VWA8: variants seen among roughly 807,000 people sequenced by gnomAD.
VWA8 encodes von Willebrand factor A domain-containing protein 8.
A neutral mutation model predicts 241.5 loss-of-function variants in VWA8; 221 were observed. The ratio of observed to expected loss-of-function variants is 0.91; its 90% CI spans 0.82 to 1.02. VWA8 has a LOEUF of 1.02. Ranked by LOEUF, VWA8 falls within the 50% of genes least tolerant of loss-of-function variation. The probability of loss-of-function intolerance (pLI) is 0.00; values close to 1 mark genes in which losing one functional copy is unlikely to be tolerated. For synonymous variants in VWA8, 852 were observed against 827.1 expected (o/e 1.03, Z -0.52); for missense variants, 2,322 against 2,328.7 (o/e 1.00, Z 0.06).
At chr13:41,709,761 G>GTC (rs1221849920) in intron 26 of VWA8, among the ~76,000 whole-genome samples, 7 of 146,254 alleles carry the variant, frequency 4.8e-5, no homozygotes, top group South Asian at 4.3e-4. Context: ...CTGTCTCTCT[G>GTC]TCTCTCTCTC....
chr13:41,847,172 T>TA (rs1398910753), intron 12 of VWA8, among the ~76,000 whole-genome samples: 1 of 151,420 alleles, frequency 6.6e-6, no homozygotes, highest in Non-Finnish European at 1.5e-5. Flanking sequence ...GTGAAAAAAA[T>TA]AAACATGGAT....
rs749044664 is a variant in VWA8 at position 41,811,212 on chromosome 13, A to T, written c.2063+13T>A. 6.3e-7 allele frequency: 1 copy of T among 1,590,888 alleles called. No homozygotes were observed. Among genetic ancestry groups the T allele is most frequent in the Admixed American group, 1.7e-5 (1 of 59,680 alleles). On this transcript the variant is annotated intron_variant, in intron 17 of 44. Coordinates refer to ENST00000379310, the MANE Select transcript of VWA8 (RefSeq NM_015058.2). ...TCCAGAAACTTACACGCAGTGAGAA[A>T]GAATATGTTTACCTGGAAAGGCAGG...
At chr13:41,650,995 T>C (rs2044866039) in intron 37 of VWA8, among the ~76,000 whole-genome samples, 1 of 152,176 alleles carries the variant, frequency 6.6e-6, no homozygotes, top group African/African-American at 2.4e-5. Context: ...TTCTCATTCT[T>C]ACAACCAGAG....
Position 41,819,281 on chromosome 13 carries a change from C to T in VWA8, c.1806G>A (p.Met602Ile), listed in dbSNP as rs758632032. 9.3e-6 allele frequency: 15 copies of T among 1,612,882 alleles called. No homozygotes were observed. In the African/African-American group the frequency reaches 1.9e-4, roughly 20 times the overall value. The change falls in exon 15 of 45, where the codon ATG becomes ATA. Residue 602 changes from methionine to isoleucine, a missense_variant. Met to Ile is a conservative substitution (Grantham distance 10). Transcript: ENST00000379310. ...HQWLGPEFLT[M>I]FFFHYMKPLV... The stretch of plus-strand genomic sequence containing the variant: ...GTGGTTTCATGTAATGGAAAAAGAA[C>T]ATGGTTAAGAATTCTGGTCCCAGCC...
chr13:41,651,519 G>A (rs2044869145), intron 37 of VWA8, among the ~76,000 whole-genome samples: 1 of 152,126 alleles, frequency 6.6e-6, no homozygotes, highest in East Asian at 1.9e-4. Context: ...GGCTTTACAG[G>A]CCATATGGTC....
At chr13:41,741,247 A>G (rs1229519688) in intron 21 of VWA8, among the ~76,000 whole-genome samples, 2 of 152,164 alleles carry the variant, frequency 1.3e-5, no homozygotes, top group East Asian at 1.9e-4. Context: ...GGAGTTCTCA[A>G]TGCTTGCTGA....
intron 8 of VWA8, among the ~76,000 whole-genome samples, chr13:41,884,859 TA>T (rs1874439110): frequency 3.3e-5 from 5 of 152,138 alleles, no homozygotes; most frequent in African/African-American, 1.2e-4. Flanking sequence ...CAACAATACC[TA>T]GGCTCCCTGA....
chr13:41,812,822 T>C (rs2137976342), intron 16 of VWA8, among the ~76,000 whole-genome samples: 1 of 152,320 alleles, frequency 6.6e-6, no homozygotes, highest in Middle Eastern at 3.4e-3. Context: ...CATTGGTCCA[T>C]TCTTGTTTTC....
intron 5 of VWA8, among the ~76,000 whole-genome samples, chr13:41,887,572 G>C (rs1268363402): frequency 6.6e-6 from 1 of 152,160 alleles, no homozygotes; most frequent in Non-Finnish European, 1.5e-5. Context: ...TGTTTGAAAG[G>C]AAAAGCAGTT....
At chr13:41,887,832 G>T (rs980360378) in intron 5 of VWA8, among the ~76,000 whole-genome samples, 1 of 152,188 alleles carries the variant, frequency 6.6e-6, no homozygotes, top group Non-Finnish European at 1.5e-5. Flanking sequence ...CTTACTATGT[G>T]GTAAGCACAT....
At chr13:41,756,953 T>C (rs2045698572) in intron 21 of VWA8, among the ~76,000 whole-genome samples, 1 of 151,744 alleles carries the variant, frequency 6.6e-6, no homozygotes, top group Non-Finnish European at 1.5e-5. Flanking sequence ...AATTCTCACT[T>C]ATCATCCTTA....
intron 24 of VWA8, among the ~76,000 whole-genome samples, chr13:41,722,865 T>G (rs1179728554): frequency 6.6e-6 from 1 of 151,930 alleles, no homozygotes; most frequent in East Asian, 1.9e-4. Flanking sequence ...ATAGAGGAAG[T>G]GGATAGAGCA....
chr13:41,790,566 T>A (rs1566458792), intron 17 of VWA8, among the ~76,000 whole-genome samples: 1 of 152,064 alleles, frequency 6.6e-6, no homozygotes, highest in Non-Finnish European at 1.5e-5. Flanking sequence ...CTAAAATTTC[T>A]GTGCTAAAGG....
intron 22 of VWA8, among the ~76,000 whole-genome samples, chr13:41,730,064 A>C (rs1423331325): frequency 6.6e-6 from 1 of 152,194 alleles, no homozygotes; most frequent in East Asian, 1.9e-4. Context: ...GAGACATCAC[A>C]ATCACTGTGG....
In VWA8 at chr13:41,830,634, T is replaced by C. The variant is rs1454310352; in HGVS notation, c.1595A>G (p.His532Arg). ...GTLAVLQRLI[H>R]DRELSLYDGS... is the part of the protein sequence containing the mutation. Reference sequence around the variant, plus strand: ...ATCATAGAGGCTTAGCTCTCGATCATGGATTAACCTAACAAGATAAGAAAA... The same window carrying C: ...ATCATAGAGGCTTAGCTCTCGATCACGGATTAACCTAACAAGATAAGAAAA... The change falls in exon 14 of 45, where the codon CAT (histidine) becomes CGT (arginine). Residue 532 changes from histidine to arginine, a missense_variant. His to Arg is a conservative substitution (Grantham distance 29, BLOSUM62 0). Transcript: ENST00000379310. 12 of 1,612,970 alleles carry C rather than the reference T, an allele frequency of 7.4e-6. No homozygotes were observed. The highest frequency in any genetic ancestry group is 2.2e-5 in the South Asian group (2 of 91,024).
chr13:41,762,178 T>G (rs946060886), intron 20 of VWA8, among the ~76,000 whole-genome samples: 3 of 152,162 alleles, frequency 2.0e-5, no homozygotes, highest in South Asian at 2.1e-4. Context: ...TCAACTGGTA[T>G]GTATACACAA....
intron 3 of VWA8, among the ~76,000 whole-genome samples, chr13:41,910,059 A>C (rs1427503195): frequency 6.6e-6 from 1 of 152,166 alleles, no homozygotes; most frequent in Non-Finnish European, 1.5e-5. Flanking sequence ...TCCACAGCCT[A>C]TGGTTGCCTC....
At chr13:41,750,174 C>G (rs1407972739) in intron 21 of VWA8, among the ~76,000 whole-genome samples, 1 of 152,086 alleles carries the variant, frequency 6.6e-6, no homozygotes, top group Non-Finnish European at 1.5e-5. Context: ...GTGGCTCACA[C>G]CTATAATCCC....
At chr13:41,705,663 T>C (rs2045278562) in intron 26 of VWA8, among the ~76,000 whole-genome samples, 2 of 152,072 alleles carry the variant, frequency 1.3e-5, no homozygotes, top group Non-Finnish European at 2.9e-5. Flanking sequence ...TAAGTATTAA[T>C]TTTTTTTCTT....
Sources: allele counts gnomAD v4.1 joint callset (sites outside exome capture counted in the v4.1 genomes callset), GRCh38; gene constraint gnomAD v4.1.1; transcripts MANE v1.5; gene names NCBI Gene and HGNC (gene_info 2026-07-23, HGNC 2026-07-21).